Variants in FERRY3 observed in about 807,000 individuals in gnomAD.
The protein encoded by FERRY3 is protein C12orf4.
At chr12:4,505,486 C>G in the FERRY3 span, 1 of 727,416 alleles carries the variant, frequency 1.4e-6, no homozygotes. Context: ...TCACTAAGGG[C>G]ATCTATGTGC....
chr12:4,518,866 A>C, the FERRY3 span: 1 of 1,575,834 alleles, frequency 6.3e-7, no homozygotes. Flanking sequence ...ACTTGGCTGA[A>C]CTTTAATTTC....
the FERRY3 span, among the ~76,000 whole-genome samples, chr12:4,512,224 G>A: frequency 1.4e-5 from 2 of 142,660 alleles, no homozygotes; most frequent in Admixed American, 6.9e-5. Context: ...CCAATAACAG[G>A]ATCTGAAATT....
At chr12:4,492,055 A>AT in the FERRY3 span, among the ~76,000 whole-genome samples, 6 of 151,844 alleles carry the variant, frequency 4.0e-5, no homozygotes, top group South Asian at 6.2e-4. Context: ...CTCTAAAAAA[A>AT]TTTTTTTTTA....
the FERRY3 span, chr12:4,518,154 G>A: frequency 4.3e-6 from 7 of 1,613,848 alleles, no homozygotes; most frequent in Admixed American, 6.7e-5. Context: ...GTTTGGAGCC[G>A]ATGAAGTTTC....
At chr12:4,517,622 G>A in the FERRY3 span, among the ~76,000 whole-genome samples, 1 of 149,322 alleles carries the variant, frequency 6.7e-6, no homozygotes, top group African/African-American at 2.4e-5. Context: ...ATCATAAAAA[G>A]TGAATTGTAC....
At chr12:4,534,213 A>G in the FERRY3 span, 14 of 1,612,694 alleles carry the variant, frequency 8.7e-6, no homozygotes, top group Admixed American at 1.7e-5. Flanking sequence ...ACTTCACCTG[A>G]TTTCACAGCT....
the FERRY3 span, among the ~76,000 whole-genome samples, chr12:4,520,883 A>T: frequency 1.3e-5 from 2 of 152,236 alleles, no homozygotes; most frequent in African/African-American, 2.4e-5. Context: ...GCATTGTTCC[A>T]GTGAATAAGC....
the FERRY3 span, among the ~76,000 whole-genome samples, chr12:4,493,766 G>C: frequency 6.6e-6 from 1 of 152,162 alleles, no homozygotes; most frequent in African/African-American, 2.4e-5. Context: ...CTAGTGAAAA[G>C]ATGATGTACA....
the FERRY3 span, among the ~76,000 whole-genome samples, chr12:4,493,845 C>T: frequency 1.3e-5 from 2 of 152,156 alleles, no homozygotes; most frequent in African/African-American, 4.8e-5. Context: ...GTAATCCCAG[C>T]ACTTTGGGAG....
the FERRY3 span, among the ~76,000 whole-genome samples, chr12:4,528,708 C>T: frequency 6.6e-6 from 1 of 151,936 alleles, no homozygotes; most frequent in Non-Finnish European, 1.5e-5. Context: ...GAGAGTATCC[C>T]TCAGGAACAA....
the FERRY3 span, among the ~76,000 whole-genome samples, chr12:4,494,355 C>G: frequency 2.0e-5 from 3 of 152,110 alleles, no homozygotes; most frequent in East Asian, 5.8e-4. Flanking sequence ...TAATTTATTA[C>G]GTTCGTCTTT....
At chr12:4,487,842 C>T in the FERRY3 span, 1 of 151,976 alleles carries the variant, frequency 6.6e-6, no homozygotes, top group East Asian at 1.9e-4. Context: ...CCCAAGGTAC[C>T]TTCTTCACAT....
chr12:4,501,289 C>T, the FERRY3 span, among the ~76,000 whole-genome samples: 2 of 152,192 alleles, frequency 1.3e-5, no homozygotes, highest in Non-Finnish European at 2.9e-5. Flanking sequence ...CACCTACATA[C>T]CAATTCTTCA....
At chr12:4,524,800 A>G in the FERRY3 span, 1 of 152,550 alleles carries the variant, frequency 6.6e-6, no homozygotes, top group Non-Finnish European at 1.5e-5. Context: ...CCTCCATGCT[A>G]TTTCTGTACC....
At chr12:4,535,846 A>C in the FERRY3 span, among the ~76,000 whole-genome samples, 1 of 152,142 alleles carries the variant, frequency 6.6e-6, no homozygotes, top group African/African-American at 2.4e-5. This position sits in a 1 kb window ranked among gnomAD's most constrained non-coding sequence, Gnocchi z 4.0. Context: ...TATAGGAAAA[A>C]ACACTCAATA....
chr12:4,490,206 AG>A, the FERRY3 span, among the ~76,000 whole-genome samples: 2 of 152,224 alleles, frequency 1.3e-5, no homozygotes. Context: ...CACAGAATAC[AG>A]AATCATTATC....
chr12:4,495,099 CTG>C, the FERRY3 span, among the ~76,000 whole-genome samples: 1 of 152,156 alleles, frequency 6.6e-6, no homozygotes, highest in Non-Finnish European at 1.5e-5. Context: ...ATTGTATGGT[CTG>C]TGTTTTATAA....
the FERRY3 span, chr12:4,517,076 AT>A: frequency 6.4e-7 from 1 of 1,560,814 alleles, no homozygotes; most frequent in Non-Finnish European, 8.7e-7. Context: ...GATTCTTTCA[AT>A]TTACTCCTGC....
chr12:4,505,564 G>A, the FERRY3 span, among the ~76,000 whole-genome samples: 1 of 152,168 alleles, frequency 6.6e-6, no homozygotes, highest in Non-Finnish European at 1.5e-5. Flanking sequence ...TATAACCACA[G>A]CCCTGGGAGG....
Sources: allele counts gnomAD v4.1 joint callset (sites outside exome capture counted in the v4.1 genomes callset), GRCh38; gene constraint gnomAD v4.1.1; non-coding constraint Gnocchi (gnomAD v3.1); transcripts MANE v1.5; gene names NCBI Gene and HGNC (gene_info 2026-07-23, HGNC 2026-07-21).